The following BCL2L15 variants were observed in gnomAD, a reference collection of about 807,000 sequenced individuals.
BCL2L15 encodes the protein bcl-2-like protein 15.
Under a neutral mutation model 18.3 loss-of-function variants are expected in BCL2L15, and 15 were observed. That is an observed-to-expected ratio of 0.82 (90% CI 0.55 to 1.26). BCL2L15 has a LOEUF of 1.26. Among genes scored for constraint, BCL2L15 ranks in the 50% most tolerant of loss-of-function variants. BCL2L15 has a pLI of 0.00. For missense variants in BCL2L15, 180 were observed against 201.7 expected, an observed-to-expected ratio of 0.89 and a Z score of 0.65; for synonymous variants, 58 against 68.5, an observed-to-expected ratio of 0.85 and a Z score of 0.76.
At chr1:113,886,990 C>T (rs1384371177) in intron 1 of BCL2L15, among the ~76,000 whole-genome samples, 1 of 151,904 alleles carries the variant, frequency 6.6e-6, no homozygotes, top group Non-Finnish European at 1.5e-5. Flanking sequence ...CTCCGCCTCC[C>T]AGGTTCAAGC....
At chr1:113,885,607 A>G (rs1667005264) in intron 2 of BCL2L15, among the ~76,000 whole-genome samples, 1 of 152,124 alleles carries the variant, frequency 6.6e-6, no homozygotes, top group Non-Finnish European at 1.5e-5. Flanking sequence ...TTTTTGGTAG[A>G]GACAGGGATT....
chr1:113,887,191 C>T, intron 1 of BCL2L15, 58 bp downstream of exon 1: 1 of 1,537,738 alleles, frequency 6.5e-7, no homozygotes, highest in South Asian at 1.1e-5. Context: ...AGTCACTGCG[C>T]CCGGCTGAAA....
At chr1:113,886,861 T>G (rs1032931050) in intron 1 of BCL2L15, among the ~76,000 whole-genome samples, 1 of 152,138 alleles carries the variant, frequency 6.6e-6, no homozygotes, top group African/African-American at 2.4e-5. Context: ...ACTGAAAGCT[T>G]AGAGTTTGCC....
In BCL2L15 at chr1:113,881,031, C is replaced by T. The variant is rs1217382; in HGVS notation, c.*92G>A. The stretch of plus-strand genomic sequence containing the variant: ...CAGTTCTGATAAAATGAAAAAAGTG[C>T]TTTTTTATTTGTTTGTTTGAATTCC... On this transcript the variant is annotated 3_prime_UTR_variant, in exon 4 of 4. Transcript: ENST00000393316. The T allele has an allele frequency of 0.32, 501,538 of 1,581,740 alleles. 91,087 individuals are homozygous for T. The highest frequency in any genetic ancestry group is 0.81 in the African/African-American group (59,570 of 73,962).
At chr1:113,882,349 G>C (rs1666900502) in intron 2 of BCL2L15, among the ~76,000 whole-genome samples, 1 of 152,128 alleles carries the variant, frequency 6.6e-6, no homozygotes, top group Non-Finnish European at 1.5e-5. Flanking sequence ...ATGTCTGGGA[G>C]ACTCTAAAGT....
rs961799761 is a variant in BCL2L15 at position 113,879,148 on chromosome 1, G to A, written c.*1975C>T. On this transcript the variant is annotated 3_prime_UTR_variant, in exon 4 of 4. Transcript: ENST00000393316. ...TTACAGGCATGAGCCACTGCGCCAG[G>A]ACAAAGCATAACTTTAAAAAGCAAA... 3 of 152,248 alleles carry A rather than the reference G, an allele frequency of 2.0e-5. No individual in the cohort carries two copies. Among genetic ancestry groups the A allele is most frequent in the Non-Finnish European group, 2.9e-5 (2 of 68,072 alleles). The allele number at this position is 152,248 out of a possible 1,614,324, so 9.4% of individuals were successfully genotyped here.
At chr1:113,881,507 GATT>G in intron 3 of BCL2L15, 1 of 1,361,808 alleles carries the variant, frequency 7.3e-7, no homozygotes. Flanking sequence ...CTTTATAGAT[GATT>G]ATGTGTAGGA....
At position 113,877,052 on chromosome 1, in the gene BCL2L15, G is replaced by C. The variant is rs1434483678; in HGVS notation, c.*4071C>G. On this transcript the variant is annotated 3_prime_UTR_variant, in exon 4 of 4. Transcript: ENST00000393316. ...GGAGGCAAAGACCACTTCTTATTCT[G>C]GTTATATGGATAGCCTTCATGGAGA... 3.3e-5 allele frequency among the ~76,000 whole-genome samples: 5 copies of C among 152,118 alleles called. No homozygotes were observed. The highest frequency in any genetic ancestry group is 4.4e-5 in the Non-Finnish European group (3 of 68,020).
intron 2 of BCL2L15, among the ~76,000 whole-genome samples, chr1:113,885,115 C>T (rs963892546): frequency 1.3e-5 from 2 of 151,918 alleles, no homozygotes; most frequent in African/African-American, 4.8e-5. Flanking sequence ...GCCACCATGC[C>T]CAACTAATTT....
chr1:113,884,156 T>C (rs900746664), intron 2 of BCL2L15, among the ~76,000 whole-genome samples: 1 of 152,224 alleles, frequency 6.6e-6, no homozygotes, highest in East Asian at 1.9e-4. Flanking sequence ...GGAGAAGCTT[T>C]ACAGACACCA....
At chr1:113,887,007 C>T (rs1159087075) in intron 1 of BCL2L15, among the ~76,000 whole-genome samples, 1 of 151,870 alleles carries the variant, frequency 6.6e-6, no homozygotes, top group Non-Finnish European at 1.5e-5. Context: ...AAGCAATTCT[C>T]ATGCCTCAGT....
intron 2 of BCL2L15, among the ~76,000 whole-genome samples, chr1:113,886,215 GAAAA>G (rs34346787): frequency 6.3e-5 from 6 of 95,294 alleles, no homozygotes; most frequent in Non-Finnish European, 6.1e-5. Context: ...GACCCTGTCT[GAAAA>G]AAAAAAAAAA....
rs571742425 is a variant in BCL2L15 at position 113,880,852 on chromosome 1, C to T, written c.*271G>A. ...TCTAGGGGTCTTTGCTTCAACAGAACCTCATTAAAACTCATGTGAAAACAG... is the reference window on the plus strand; with the variant it reads ...TCTAGGGGTCTTTGCTTCAACAGAATCTCATTAAAACTCATGTGAAAACAG... On this transcript the variant is annotated 3_prime_UTR_variant, in exon 4 of 4. Coordinates refer to ENST00000393316, the MANE Select transcript of BCL2L15 (RefSeq NM_001010922.3). 1.6e-5 allele frequency: 8 copies of T among 503,814 alleles called. No homozygotes were observed. The highest frequency in any genetic ancestry group is 2.9e-5 in the Non-Finnish European group (8 of 280,528). 31.2% of individuals were successfully genotyped at this position (503,814 alleles called of 1,614,324 possible). A position where few individuals can be genotyped will look rare whatever the true frequency, so the allele number is the denominator to read the frequency against.
In BCL2L15 at chr1:113,880,619, A is replaced by C. The variant is rs968048271; in HGVS notation, c.*504T>G. 8 of 156,254 alleles carry C rather than the reference A, an allele frequency of 5.1e-5. No individual in the cohort carries two copies. Among genetic ancestry groups the C allele is most frequent in the Admixed American group, 1.3e-4 (2 of 15,714 alleles). The allele number at this position is 156,254 out of a possible 1,614,324, so 9.7% of individuals were successfully genotyped here. Reference sequence around the variant, plus strand: ...CCAGCCTGGGTGACAGAGTGAGACTACGTCTAAAAAAAAAAAAACAAGATT... The same window carrying C: ...CCAGCCTGGGTGACAGAGTGAGACTCCGTCTAAAAAAAAAAAAACAAGATT... On this transcript the variant is annotated 3_prime_UTR_variant, in exon 4 of 4. Coordinates refer to ENST00000393316, the MANE Select transcript of BCL2L15 (RefSeq NM_001010922.3).
At chr1:113,881,161 CCTA>C (rs777757728) in intron 3 of BCL2L15, 21 bp from the exon 4 acceptor site, 4 of 1,614,026 alleles carry the variant, frequency 2.5e-6, no homozygotes, top group Non-Finnish European at 3.4e-6. Flanking sequence ...CAGAGAAAAT[CCTA>C]CAGTCAAAGG....
intron 2 of BCL2L15, among the ~76,000 whole-genome samples, chr1:113,885,751 C>T (rs548197069): frequency 1.5e-3 from 233 of 152,168 alleles, no homozygotes; most frequent in Middle Eastern, 0.014. Context: ...TCAGGTGATC[C>T]GCCCAGATGG....
At chr1:113,885,515 G>A (rs1311163166) in intron 2 of BCL2L15, among the ~76,000 whole-genome samples, 1 of 151,906 alleles carries the variant, frequency 6.6e-6, no homozygotes, top group Non-Finnish European at 1.5e-5. Flanking sequence ...TCCACCTCCC[G>A]GGTTCAAGCG....
At chr1:113,885,479 T>C (rs1360287069) in intron 2 of BCL2L15, among the ~76,000 whole-genome samples, 1 of 151,892 alleles carries the variant, frequency 6.6e-6, no homozygotes. Context: ...TGGAGAACAG[T>C]GGTGTGATCT....
In BCL2L15 at chr1:113,887,428, C is replaced by T; in HGVS notation, c.-53G>A. 6.2e-7 allele frequency: 1 copy of T among 1,610,692 alleles called. No homozygotes were observed. The highest frequency in any genetic ancestry group is 8.5e-7 in the Non-Finnish European group (1 of 1,177,850). Reference sequence around the variant, plus strand: ...TTTCCACGAAACAAGCAGTTTTCAGCCCAGCAGGAAGTTAAAAACACTGGT... The same window carrying T: ...TTTCCACGAAACAAGCAGTTTTCAGTCCAGCAGGAAGTTAAAAACACTGGT... On this transcript the variant is annotated 5_prime_UTR_variant, in exon 1 of 4. Transcript: ENST00000393316.
Sources: gnomAD v4.1 joint callset for allele counts (sites outside exome capture counted in the v4.1 genomes callset) on GRCh38, gnomAD v4.1.1 for gene constraint, MANE v1.5 for transcripts, NCBI Gene and HGNC (gene_info 2026-07-23, HGNC 2026-07-21) for gene names.